SF3B6: variants seen among roughly 807,000 people sequenced by gnomAD.
SF3B6 encodes the protein splicing factor 3b subunit 6, also known as SF3b 14 kDa subunit.
SF3B6 carries 3 observed loss-of-function variants against 15.9 expected under a neutral mutation model. The ratio of observed to expected loss-of-function variants is 0.19; its 90% confidence interval spans 0.09 to 0.49. SF3B6 has a LOEUF of 0.49. Ranked by LOEUF, SF3B6 falls within the 20% of genes least tolerant of loss-of-function variation. SF3B6 has a pLI of 0.97. For missense variants in SF3B6, 71 were observed against 154.3 expected, an observed-to-expected ratio of 0.46 and a Z score of 2.86; for synonymous variants, 49 against 51.1, an observed-to-expected ratio of 0.96 and a Z score of 0.18.
chr2:24,068,009 C>G (rs1160629116), intron 3 of SF3B6, among the ~76,000 whole-genome samples, 158 bp from the exon 4 acceptor site: 1 of 152,242 alleles, frequency 6.6e-6, no homozygotes, highest in African/African-American at 2.4e-5. Context: ...GTTGCCCAGG[C>G]TGGAGTGCAG....
chr2:24,076,083 G>A, intron 1 of SF3B6, 117 bp downstream of exon 1: 1 of 1,308,802 alleles, frequency 7.6e-7, no homozygotes, highest in Non-Finnish European at 1.1e-6. Context: ...TGACAGGATA[G>A]GAATTCTGGA....
In SF3B6 at chr2:24,067,821, CCTT is replaced by C. The variant is rs1209084490; in HGVS notation, c.316_318del (p.Lys106del). The C allele has an allele frequency of 1.2e-6, 2 of 1,614,144 alleles. No homozygotes were observed. Reference sequence around the variant, plus strand: ...TCCTTGAGAAGCTTCAACTGTTCCTCCTTCTTCTTTGTGTCCATCTTCTGAAAT... The same window carrying C: ...TCCTTGAGAAGCTTCAACTGTTCCTCCTTCTTTGTGTCCATCTTCTGAAAT... On this transcript the variant is annotated inframe_deletion, in exon 4 of 4. Transcript: ENST00000233468.
intron 1 of SF3B6, among the ~76,000 whole-genome samples, chr2:24,074,821 C>T (rs1464571782): frequency 6.6e-6 from 1 of 152,168 alleles, no homozygotes. Flanking sequence ...ACCTATATCA[C>T]ACATCTTTTA....
chr2:24,067,781 T>C lies in SF3B6; in HGVS notation c.359A>G (p.Asn120Ser). 6.2e-7 allele frequency: 1 copy of C among 1,614,022 alleles called. No homozygotes were observed. The highest frequency in any genetic ancestry group is 8.5e-7 in the Non-Finnish European group (1 of 1,179,922). ...AAACATTTATTTTGGTGGATCTGTG[T>C]TGATGCCATATTTCTCCTTGAGAAG... is the stretch of plus-strand genomic sequence containing the variant. ...LKLLKEKYGI[N>S]TDPPK Residue 120 changes from asparagine to serine, a missense_variant, in exon 4 of 4, where the codon AAC becomes AGC. By Grantham distance (46) the Asn-to-Ser change is conservative (BLOSUM62 1). This residue lies in a region of SF3B6 where 52 missense variants were observed against 113.2 expected (regional missense o/e 0.46). Coordinates refer to ENST00000233468, the MANE Select transcript of SF3B6 (RefSeq NM_016047.4).
At chr2:24,074,001 G>T in intron 2 of SF3B6, 75 bp downstream of exon 2, 1 of 895,998 alleles carries the variant, frequency 1.1e-6, no homozygotes, top group South Asian at 1.3e-5. Flanking sequence ...AGCACAGGGT[G>T]GCCTCATCGT....
At chr2:24,068,235 T>C (rs1664594129) in intron 3 of SF3B6, 86 bp downstream of exon 3, 35 of 1,384,334 alleles carry the variant, frequency 2.5e-5, no homozygotes, top group Non-Finnish European at 3.2e-5. Context: ...AATGCTGGGA[T>C]TACAGGCATG....
intron 1 of SF3B6, 84 bp downstream of exon 1, chr2:24,076,116 G>A: frequency 6.6e-7 from 1 of 1,522,286 alleles, no homozygotes; most frequent in Non-Finnish European, 9.1e-7. Context: ...GGGGACGGAG[G>A]AGGAGCAAGA....
intron 1 of SF3B6, 79 bp downstream of exon 1, chr2:24,076,121 G>A: frequency 6.4e-7 from 1 of 1,568,062 alleles, no homozygotes; most frequent in Non-Finnish European, 8.8e-7. Flanking sequence ...CGGAGGAGGA[G>A]CAAGAATGCT....
intron 2 of SF3B6, among the ~76,000 whole-genome samples, chr2:24,071,174 G>A (rs1458275852): frequency 6.6e-6 from 1 of 152,022 alleles, no homozygotes; most frequent in Non-Finnish European, 1.5e-5. Flanking sequence ...TGTATTTTTA[G>A]TAGAGACGAG....
intron 1 of SF3B6, among the ~76,000 whole-genome samples, chr2:24,075,208 T>G (rs1197226882): frequency 6.6e-6 from 1 of 152,154 alleles, no homozygotes; most frequent in African/African-American, 2.4e-5. Flanking sequence ...CTTTGCTGTT[T>G]CCATTTTCTC....
intron 2 of SF3B6, among the ~76,000 whole-genome samples, chr2:24,072,574 T>A (rs1221817043): frequency 2.0e-5 from 3 of 152,218 alleles, no homozygotes; most frequent in South Asian, 4.1e-4. Context: ...AAATTAAAAT[T>A]CTTTTAAGAC....
intron 1 of SF3B6, among the ~76,000 whole-genome samples, chr2:24,075,419 A>C (rs1033201092): frequency 1.4e-5 from 2 of 140,708 alleles, no homozygotes; most frequent in Admixed American, 7.5e-5. Flanking sequence ...AGTGCTGCGC[A>C]GTGGCACAAT....
At chr2:24,070,359 G>T (rs566850915) in intron 2 of SF3B6, among the ~76,000 whole-genome samples, 4 of 152,282 alleles carry the variant, frequency 2.6e-5, no homozygotes, top group Non-Finnish European at 5.9e-5. Flanking sequence ...GGCCAGGCAG[G>T]TCTCGAACTC....
intron 3 of SF3B6, 78 bp from the exon 4 acceptor site, chr2:24,067,929 A>C (rs1664586187): frequency 8.6e-7 from 1 of 1,162,106 alleles, no homozygotes; most frequent in South Asian, 1.2e-5. Context: ...TAGCCAAAAA[A>C]GAAAGTCATA....
At chr2:24,069,326 G>A (rs1381959761) in intron 2 of SF3B6, among the ~76,000 whole-genome samples, 3 of 152,206 alleles carry the variant, frequency 2.0e-5, no homozygotes, top group Non-Finnish European at 2.9e-5. Context: ...TTATGGATAC[G>A]AGGTTGCTGT....
At chr2:24,075,702 A>G (rs553189006) in intron 1 of SF3B6, among the ~76,000 whole-genome samples, 47 of 152,046 alleles carry the variant, frequency 3.1e-4, no homozygotes, top group African/African-American at 1.1e-3. Flanking sequence ...GGCACATAGT[A>G]GCTATTCAAT....
chr2:24,071,979 T>C (rs1664657574), intron 2 of SF3B6, among the ~76,000 whole-genome samples: 1 of 152,182 alleles, frequency 6.6e-6, no homozygotes, highest in African/African-American at 2.4e-5. Context: ...TATATTATTC[T>C]TCTATTTTCT....
chr2:24,068,750 A>G (rs1664603154), intron 2 of SF3B6, among the ~76,000 whole-genome samples: 1 of 152,218 alleles, frequency 6.6e-6, no homozygotes, highest in South Asian at 2.1e-4. Flanking sequence ...CTAAGAACAC[A>G]GCTACTACAC....
chr2:24,070,232 G>A (rs568382107), intron 2 of SF3B6, among the ~76,000 whole-genome samples: 1 of 152,282 alleles, frequency 6.6e-6, no homozygotes, highest in Admixed American at 6.5e-5. Flanking sequence ...ATTGGACACT[G>A]AGCTAACATT....
Sources: allele counts gnomAD v4.1 joint callset (sites outside exome capture counted in the v4.1 genomes callset), GRCh38; gene constraint gnomAD v4.1.1; regional missense constraint gnomAD v4.1.1; transcripts MANE v1.5; gene names NCBI Gene and HGNC (gene_info 2026-07-23, HGNC 2026-07-21).